The following HM13 variants were observed in gnomAD, a reference collection of about 807,000 sequenced individuals.
HM13 encodes histocompatibility minor 13.
In HM13, 18 loss-of-function variants were observed where a neutral mutation model predicts 50.0. The ratio of observed to expected loss-of-function variants is 0.36; its 90% confidence interval spans 0.25 to 0.53. The LOEUF is 0.53. Among genes scored for constraint, HM13 ranks in the 20% least tolerant of loss-of-function variants. The pLI is 0.90. For missense variants in HM13, 393 were observed against 552.4 expected (o/e 0.71, Z 2.89); for synonymous variants, 197 against 232.6 (o/e 0.85, Z 1.39).
In HM13 at chr20:31,514,692, C is replaced by T. The variant is rs1314688420; in HGVS notation, c.141C>T (p.Ile47=). 1 of 1,552,526 alleles carries T rather than the reference C, an allele frequency of 6.4e-7. No homozygotes were observed. Among genetic ancestry groups the T allele is most frequent in the South Asian group, 1.2e-5 (1 of 84,308 alleles). The part of the protein sequence containing the change: ...GSLLLMALLP[I]FFGALRSVRC... ...TCCTGCTCATGGCGCTGCTGCCCATCTTCTTCGGCGCCCTGCGCTCCGTAC... is the reference window on the plus strand; with the variant it reads ...TCCTGCTCATGGCGCTGCTGCCCATTTTCTTCGGCGCCCTGCGCTCCGTAC... The change falls in exon 1 of 13, where the codon ATC becomes ATT. Residue 47 remains isoleucine (I), a synonymous_variant. Coordinates refer to ENST00000398174, the MANE Select transcript of HM13 (RefSeq NM_178581.3). This position sits in a 1 kb window ranked among gnomAD's most constrained non-coding sequence, Gnocchi z 4.3.
intron 4 of HM13, chr20:31,547,475 C>G (rs1000898968): frequency 9.7e-6 from 6 of 618,046 alleles, no homozygotes; most frequent in Non-Finnish European, 1.7e-5. Context: ...CCGTTTGTTT[C>G]CCTGTTGTCG....
intron 2 of HM13, among the ~76,000 whole-genome samples, chr20:31,536,016 C>T (rs1983084843): frequency 6.6e-6 from 1 of 152,168 alleles, no homozygotes; most frequent in South Asian, 2.1e-4. Context: ...TCTCCCTGTC[C>T]CCCCAAGCCC....
chr20:31,546,888 A>G (rs1983755067), intron 4 of HM13, among the ~76,000 whole-genome samples: 1 of 152,052 alleles, frequency 6.6e-6, no homozygotes, highest in Non-Finnish European at 1.5e-5. Flanking sequence ...CGGTCAGTGC[A>G]CTCCAGCCTG....
intron 6 of HM13, among the ~76,000 whole-genome samples, chr20:31,549,599 A>G (rs1983919365): frequency 6.6e-6 from 1 of 152,138 alleles, no homozygotes; most frequent in Non-Finnish European, 1.5e-5. Flanking sequence ...ACCTAATCCC[A>G]TGTCTCCTTG....
At chr20:31,544,893 G>C in intron 3 of HM13, 54 bp from the exon 4 acceptor site, 1 of 1,462,838 alleles carries the variant, frequency 6.8e-7, no homozygotes, top group Non-Finnish European at 9.6e-7. Context: ...GGTGTGTTAA[G>C]GCTGACTGCC....
intron 8 of HM13, among the ~76,000 whole-genome samples, chr20:31,555,949 G>A (rs1444035169): frequency 1.3e-5 from 2 of 151,940 alleles, no homozygotes; most frequent in East Asian, 1.9e-4. Flanking sequence ...CAGCTTGGGT[G>A]ACAGAGTGAG....
intron 7 of HM13, 88 bp downstream of exon 7, chr20:31,550,209 T>A: frequency 1.1e-6 from 1 of 929,830 alleles, no homozygotes; most frequent in Non-Finnish European, 1.8e-6. Flanking sequence ...TGCATCTCCC[T>A]ATCTCTTCCC....
At chr20:31,533,093 TC>T (rs1444328925) in intron 2 of HM13, among the ~76,000 whole-genome samples, 1 of 152,222 alleles carries the variant, frequency 6.6e-6, no homozygotes. Flanking sequence ...CCCCCTGACA[TC>T]TGGCTGGTTG....
intron 3 of HM13, among the ~76,000 whole-genome samples, chr20:31,542,112 G>C (rs1028413960): frequency 2.0e-5 from 3 of 152,234 alleles, no homozygotes; most frequent in Admixed American, 2.0e-4. Flanking sequence ...TGACAGCACA[G>C]GCTGAGGTTC....
rs1981629195 is a variant in HM13 at position 31,514,443 on chromosome 20, C to T, written c.-109C>T. On this transcript the variant is annotated 5_prime_UTR_variant, in exon 1 of 13. Transcript: ENST00000398174. This position sits in a 1 kb window ranked among gnomAD's most constrained non-coding sequence, Gnocchi z 4.3. Reference sequence around the variant, plus strand: ...CGCGGGCTTGGGAGGGAGCACGTCACTTCCTGTTGCCTTAGGGGAACGTGG... The same window carrying T: ...CGCGGGCTTGGGAGGGAGCACGTCATTTCCTGTTGCCTTAGGGGAACGTGG... 2 of 1,293,502 alleles carry T rather than the reference C, an allele frequency of 1.5e-6. No individual in the cohort carries two copies. Among genetic ancestry groups the T allele is most frequent in the Non-Finnish European group, 2.1e-6 (2 of 938,770 alleles). The allele number at this position is 1,293,502 out of a possible 1,614,324, so 80.1% of individuals were successfully genotyped here.
At chr20:31,531,023 C>T (rs182139321) in intron 2 of HM13, among the ~76,000 whole-genome samples, 5 of 152,288 alleles carry the variant, frequency 3.3e-5, no homozygotes, top group African/African-American at 9.6e-5. Context: ...TTAGTTTTTT[C>T]CAGTCTGTGA....
intron 1 of HM13, among the ~76,000 whole-genome samples, chr20:31,519,541 C>T (rs960817246): frequency 6.6e-6 from 1 of 152,180 alleles, no homozygotes; most frequent in Non-Finnish European, 1.5e-5. Flanking sequence ...AATGCTAGTT[C>T]TCTAGTATCT....
chr20:31,554,901 T>G (rs1984227883), intron 8 of HM13, 72 bp downstream of exon 8: 1 of 1,218,426 alleles, frequency 8.2e-7, no homozygotes, highest in Non-Finnish European at 1.2e-6. Context: ...GGATTACTGC[T>G]AAACAGACAG....
In HM13 at chr20:31,561,667, C is replaced by T. The variant is rs1984622432; in HGVS notation, c.879C>T (p.Thr293=). ...AGAATACCCACACCTACTTCTACAC[C>T]AGCTTTGCAGCCTACATCTTCGGCC... The part of the protein sequence containing the change: ...LKKNTHTYFY[T]SFAAYIFGLG... Residue 293 remains threonine, a synonymous_variant, in exon 10 of 13, where the codon ACC becomes ACT. Transcript: ENST00000398174. The T allele has an allele frequency of 6.2e-7, 1 of 1,613,762 alleles. No homozygotes were observed. The highest frequency in any genetic ancestry group is 1.3e-5 in the African/African-American group (1 of 74,932).
At chr20:31,538,304 G>T (rs773958914) in intron 3 of HM13, 43 bp downstream of exon 3, 1 of 1,614,082 alleles carries the variant, frequency 6.2e-7, no homozygotes, top group South Asian at 1.1e-5. Flanking sequence ...AGCTTTCTCG[G>T]GAACCAGTAC....
chr20:31,549,480 C>A, intron 6 of HM13, 148 bp downstream of exon 6: 1 of 974,514 alleles, frequency 1.0e-6, no homozygotes, highest in Non-Finnish European at 1.6e-6. Context: ...CTCTCTGGGC[C>A]CATCTGTGAG....
intron 9 of HM13, 22 bp downstream of exon 9, chr20:31,559,669 C>G: frequency 6.2e-7 from 1 of 1,613,084 alleles, no homozygotes; most frequent in Non-Finnish European, 8.5e-7. Flanking sequence ...AGGGCCTGCC[C>G]CAGCATGGGC....
chr20:31,558,196 C>T (rs1039302300), intron 8 of HM13, among the ~76,000 whole-genome samples: 1 of 152,198 alleles, frequency 6.6e-6, no homozygotes, highest in African/African-American at 2.4e-5. Flanking sequence ...CCATTGCTTA[C>T]AATTGGCTTG....
chr20:31,560,533 C>T (rs149580163), intron 9 of HM13, among the ~76,000 whole-genome samples: 5 of 152,326 alleles, frequency 3.3e-5, no homozygotes, highest in African/African-American at 9.6e-5. Context: ...CATATGGGCT[C>T]ACAGTCACCT....
Sources: allele counts gnomAD v4.1 joint callset (sites outside exome capture counted in the v4.1 genomes callset), GRCh38; gene constraint gnomAD v4.1.1; non-coding constraint Gnocchi (gnomAD v3.1); transcripts MANE v1.5; gene names NCBI Gene and HGNC (gene_info 2026-07-23, HGNC 2026-07-21).